The following ZNF536 variants were observed in gnomAD, a reference collection of about 807,000 sequenced individuals.
The protein encoded by ZNF536 is zinc finger protein 536.
ZNF536 carries 13 observed loss-of-function variants against 84.5 expected under a neutral mutation model. That is an observed-to-expected ratio of 0.15 (90% CI 0.10 to 0.24). The LOEUF (loss-of-function observed/expected upper bound fraction) is 0.24, where lower values mean the gene tolerates loss of function less well. ZNF536 is among the 10% of genes least tolerant of loss of function. The pLI is 1.00. For missense variants in ZNF536, 1,536 were observed against 1,747.5 expected (o/e 0.88, Z 2.16); for synonymous variants, 811 against 742.5 (o/e 1.09, Z -1.50).
rs543358697 is a variant in ZNF536, at chr19:30,335,046, G to T, written c.-119-17322G>T. Among the ~76,000 whole-genome samples the T allele has an allele frequency of 1.7e-4, 26 of 152,322 alleles. 2 individuals are homozygous for T. Among genetic ancestry groups the T allele is most frequent in the African/African-American group, 6.0e-4 (25 of 41,580 alleles). ...GACACGGACTGTCAGTGGACTGAGGGTTGGGGGCCCCTGCTTTAAAGATCT... is the reference window on the plus strand; with the variant it reads ...GACACGGACTGTCAGTGGACTGAGGTTTGGGGGCCCCTGCTTTAAAGATCT... On this transcript the variant is annotated intron_variant, in intron 2 of 5. Coordinates refer to the ZNF536 transcript ENST00000585628.
intron 2 of ZNF536, among the ~76,000 whole-genome samples, chr19:30,513,920 A>C (rs771093808): frequency 1.3e-5 from 2 of 152,190 alleles, no homozygotes; most frequent in African/African-American, 2.4e-5. Context: ...CTCAGGGCTG[A>C]GCAGTTTATC....
chr19:30,701,438 CACAA>C (rs1028719998), intron 1 of ZNF536, among the ~76,000 whole-genome samples: 24 of 151,832 alleles, frequency 1.6e-4, no homozygotes, highest in African/African-American at 5.6e-4. Context: ...CACACACAGA[CACAA>C]ACACACAGAA....
intron 2 of ZNF536, among the ~76,000 whole-genome samples, chr19:30,468,147 G>C (rs1166977057): frequency 6.6e-6 from 1 of 152,238 alleles, no homozygotes; most frequent in Non-Finnish European, 1.5e-5. Flanking sequence ...CTGTGGTCCA[G>C]TGTGTTTTAC....
chr19:30,581,267 A>G (rs1007541955), intron 1 of ZNF536, among the ~76,000 whole-genome samples: 3 of 152,188 alleles, frequency 2.0e-5, no homozygotes, highest in Non-Finnish European at 4.4e-5. Flanking sequence ...ACTTGAGGTC[A>G]GGAGTTTGAG....
At chr19:30,492,580 C>T (rs1370457209) in intron 2 of ZNF536, among the ~76,000 whole-genome samples, 1 of 152,180 alleles carries the variant, frequency 6.6e-6, no homozygotes, top group Non-Finnish European at 1.5e-5. Flanking sequence ...AATTTAACTT[C>T]TCATAAACCT....
At chr19:30,435,760 C>G (rs1312185343) in intron 1 of ZNF536, among the ~76,000 whole-genome samples, 1 of 152,066 alleles carries the variant, frequency 6.6e-6, no homozygotes, top group African/African-American at 2.4e-5. Flanking sequence ...CCCAGGGATC[C>G]AGACCAGAAG....
At chr19:30,660,063 A>C (rs1369186523) in intron 1 of ZNF536, among the ~76,000 whole-genome samples, 4 of 152,130 alleles carry the variant, frequency 2.6e-5, no homozygotes, top group Non-Finnish European at 1.5e-5. Context: ...AGCCACAGAT[A>C]ACTTGTCTAA....
chr19:30,559,102 G>C (rs1408564225), downstream of ZNF536, among the ~76,000 whole-genome samples: 1 of 152,206 alleles, frequency 6.6e-6, no homozygotes, highest in African/African-American at 2.4e-5. Context: ...TTTTGGGAAA[G>C]AGGTAAAAAG....
chr19:30,403,028 A>C (rs1469123414), intron 1 of ZNF536, among the ~76,000 whole-genome samples: 1 of 151,914 alleles, frequency 6.6e-6, no homozygotes, highest in Non-Finnish European at 1.5e-5. Flanking sequence ...GCCCCCTGGT[A>C]GGAATGCCTG....
intron 2 of ZNF536, among the ~76,000 whole-genome samples, chr19:30,450,493 G>A (rs2148302465): frequency 6.6e-6 from 1 of 152,276 alleles, no homozygotes; most frequent in South Asian, 2.1e-4. Context: ...AGGACTTGGG[G>A]AGACCCCCCT....
chr19:30,590,906 G>T (rs758047115), intron 1 of ZNF536, among the ~76,000 whole-genome samples: 1 of 152,216 alleles, frequency 6.6e-6, no homozygotes, highest in Non-Finnish European at 1.5e-5. Flanking sequence ...TTCCCAGGTG[G>T]CAAGAAACTG....
intron 1 of ZNF536, among the ~76,000 whole-genome samples, chr19:30,624,548 G>A (rs2048605967): frequency 6.6e-6 from 1 of 152,166 alleles, no homozygotes; most frequent in Admixed American, 6.5e-5. Flanking sequence ...ATCTTTGGAA[G>A]GAAAACAATA....
upstream of ZNF536, among the ~76,000 whole-genome samples, chr19:30,368,013 C>T (rs560205878): frequency 1.6e-3 from 241 of 152,316 alleles, 2 homozygotes; most frequent in Admixed American, 0.014. Context: ...TGGTTCTGGT[C>T]GTCTGAACTT....
rs551493841 is a variant in ZNF536, at chr19:30,659,806, T to C, written c.170-50951T>C. Among the ~76,000 whole-genome samples, 683 of 148,624 alleles carry C rather than the reference T, an allele frequency of 4.6e-3. 7 individuals carry two copies. The highest frequency in any genetic ancestry group is 6.4e-3 in the Non-Finnish European group (434 of 67,992). On this transcript the variant is annotated intron_variant, in intron 1 of 1. Coordinates refer to the ZNF536 transcript ENST00000592773. ...TGGGTGGGGACACAGCCAAACCATG[T>C]CACTATTTGACATGAGATTTGGGTG...
chr19:30,594,165 G>A (rs1049756779), intron 1 of ZNF536, among the ~76,000 whole-genome samples: 22 of 152,224 alleles, frequency 1.4e-4, no homozygotes, highest in Non-Finnish European at 3.2e-4. Flanking sequence ...ATCCTGGAGT[G>A]CGCAGAGTCA....
In ZNF536 at chr19:30,579,728, A is replaced by T. The variant is rs568223209; in HGVS notation, c.169+30214A>T. Among the ~76,000 whole-genome samples, 6 of 152,264 alleles carry T rather than the reference A, an allele frequency of 3.9e-5. No homozygotes were observed. The South Asian group carries it at 1.2e-3, about 32-fold the overall frequency. The stretch of plus-strand genomic sequence containing the variant: ...TTCTGTCCCCACATCCCCAAGGGGC[A>T]CATTGAGTTATATGGACAGTGGTGT... On this transcript the variant is annotated intron_variant, in intron 1 of 1. Transcript: ENST00000592773.
At chr19:30,512,456 T>A (rs1795286094) in intron 2 of ZNF536, among the ~76,000 whole-genome samples, 1 of 152,192 alleles carries the variant, frequency 6.6e-6, no homozygotes, top group South Asian at 2.1e-4. Flanking sequence ...GGCTGTTTCA[T>A]CTTGCAAACA....
rs372534293 is a variant in ZNF536 at position 30,548,291 on chromosome 19, C to T, written c.2672C>T (p.Pro891Leu). 1.9e-6 allele frequency: 3 copies of T among 1,614,238 alleles called. No homozygotes were observed. Among genetic ancestry groups the T allele is most frequent in the Non-Finnish European group, 2.5e-6 (3 of 1,180,050 alleles). ...PSDALKGTDL[P>L]SKSTHFSEIG... is the part of the protein sequence containing the mutation. ...GATGCTCTGAAAGGCACTGACCTTC[C>T]TTCCAAAAGCACCCACTTCTCTGAG... Residue 891 changes from proline to leucine, a missense_variant, in exon 4 of 5, where the codon CCT becomes CTT. By Grantham distance (98) the Pro-to-Leu change is moderately conservative. This residue lies in a region of ZNF536 where 624 missense variants were observed against 603.1 expected (regional missense o/e 1.03). Transcript: ENST00000355537.
chr19:30,385,447 G>T (rs1224445048), intron 1 of ZNF536, among the ~76,000 whole-genome samples: 1 of 152,104 alleles, frequency 6.6e-6, no homozygotes. Flanking sequence ...CCGTTACCCT[G>T]GTTGCAGTGC....
Sources: allele counts gnomAD v4.1 joint callset (sites outside exome capture counted in the v4.1 genomes callset), GRCh38; gene constraint gnomAD v4.1.1; regional missense constraint gnomAD v4.1.1; transcripts MANE v1.5; gene names NCBI Gene and HGNC (gene_info 2026-07-23, HGNC 2026-07-21).